The following PARD3B variants were observed in gnomAD, a reference collection of about 807,000 sequenced individuals.
The protein encoded by PARD3B is par-3 family cell polarity regulator beta.
In PARD3B, 103 loss-of-function variants were observed where a neutral mutation model predicts 130.2. That is an observed-to-expected ratio of 0.79 (90% CI 0.67 to 0.93). The LOEUF (loss-of-function observed/expected upper bound fraction) is 0.93. PARD3B is among the 40% of genes least tolerant of loss of function. PARD3B has a pLI of 0.00. For synonymous variants in PARD3B, 583 were observed against 553.2 expected (o/e 1.05, Z -0.76); for missense variants, 1,609 against 1,499.2 (o/e 1.07, Z -1.21).
intron 22 of PARD3B, among the ~76,000 whole-genome samples, chr2:205,604,553 T>C (rs542173898): frequency 1.1e-3 from 163 of 152,274 alleles, no homozygotes; most frequent in African/African-American, 3.8e-3. Flanking sequence ...AACCATATCA[T>C]AGGGTTTCTG....
Position 205,615,742 on chromosome 2 carries a change from G to A in PARD3B, c.3547G>A (p.Gly1183Ser). 2 of 1,614,052 alleles carry A rather than the reference G, an allele frequency of 1.2e-6. No individual in the cohort carries two copies. Among genetic ancestry groups the A allele is most frequent in the Non-Finnish European group, 1.7e-6 (2 of 1,180,016 alleles). The change falls in exon 23 of 23, where the codon GGC becomes AGC. Residue 1183 changes from glycine (G) to serine (S), a missense_variant. By Grantham distance (56) the Gly-to-Ser change is moderately conservative. Coordinates refer to ENST00000406610, the MANE Select transcript of PARD3B (RefSeq NM_001302769.2). ...QETGRPGPRG[G>S]SPDQYPYRTQ... ...AACAGGCAGACCAGGGCCCCGTGGG[G>A]GCAGCCCAGACCAGTACCCTTACCG...
intron 2 of PARD3B, among the ~76,000 whole-genome samples, chr2:204,803,151 A>C (rs1213684072): frequency 1.0e-5 from 1 of 96,668 alleles, no homozygotes; most frequent in East Asian, 2.5e-4. Flanking sequence ...AAGGAAAAAA[A>C]AAAAAAAAAA....
intron 2 of PARD3B, among the ~76,000 whole-genome samples, chr2:204,773,894 C>T (rs1223000910): frequency 3.9e-5 from 6 of 152,006 alleles, no homozygotes; most frequent in Non-Finnish European, 5.9e-5. Flanking sequence ...TAATGATTTT[C>T]GATCTCACTT....
chr2:205,301,661 GA>G lies in PARD3B; in HGVS notation c.2593del (p.Arg865GlyfsTer3). 1 of 1,613,922 alleles carries G rather than the reference GA, an allele frequency of 6.2e-7. No homozygotes were observed. The highest frequency in any genetic ancestry group is 8.5e-7 in the Non-Finnish European group (1 of 1,179,932). On this transcript the variant is annotated frameshift_variant, in exon 18 of 23. Transcript: ENST00000406610. LOFTEE classifies it high-confidence loss of function. This position sits in a 1 kb window ranked among gnomAD's most constrained non-coding sequence, Gnocchi z 5.2. ...GCGCAAAGAGGAGAATGAAGATCCA[GA>G]AAGGAAAATAAAGAAGAAGGGCTTC... ...KKRKEENEDP[E>X]RKIKKKGFGA...
At chr2:205,410,070 C>T (rs1056583503) in intron 19 of PARD3B, among the ~76,000 whole-genome samples, 14 of 152,122 alleles carry the variant, frequency 9.2e-5, no homozygotes, top group African/African-American at 2.9e-4. Context: ...TATCCCTTAT[C>T]CAAAATGCTT....
At chr2:204,866,893 AC>A (rs1215865546) in intron 2 of PARD3B, among the ~76,000 whole-genome samples, 3 of 151,944 alleles carry the variant, frequency 2.0e-5, no homozygotes, top group East Asian at 1.9e-4. Context: ...ACATGGTGAA[AC>A]CCCGTCTCTA....
At chr2:204,776,162 C>T (rs558145861) in intron 2 of PARD3B, among the ~76,000 whole-genome samples, 21 of 152,264 alleles carry the variant, frequency 1.4e-4, no homozygotes, top group African/African-American at 4.6e-4. Context: ...TTGAATGACA[C>T]AATCTCTTGA....
chr2:205,020,375 G>A lies in PARD3B; in HGVS notation c.395-27206G>A, dbSNP rs145179228. ...AAGTATCCCAGTGGGTTCATTGAGG[G>A]GAAGGAATAGGTTTATACAATTTGA... On this transcript the variant is annotated intron_variant, in intron 3 of 22. Transcript: ENST00000406610. 5.0e-4 allele frequency among the ~76,000 whole-genome samples: 76 copies of A among 152,106 alleles called. 1 individual carries two copies. The highest frequency in any genetic ancestry group is 1.8e-3 in the African/African-American group (74 of 41,522).
At chr2:204,764,074 T>G (rs1408883725) in intron 2 of PARD3B, among the ~76,000 whole-genome samples, 1 of 152,082 alleles carries the variant, frequency 6.6e-6, no homozygotes, top group African/African-American at 2.4e-5. Flanking sequence ...ACACTAAGGG[T>G]GAGGCTGTAG....
intron 11 of PARD3B, among the ~76,000 whole-genome samples, chr2:205,162,530 G>A (rs573202741): frequency 5.3e-5 from 8 of 152,340 alleles, no homozygotes; most frequent in East Asian, 1.9e-4. Flanking sequence ...CTTCCTGGGC[G>A]TTTGCCCCTG....
At chr2:205,462,713 A>G (rs2048492361) in intron 20 of PARD3B, among the ~76,000 whole-genome samples, 1 of 152,206 alleles carries the variant, frequency 6.6e-6, no homozygotes, top group African/African-American at 2.4e-5. Flanking sequence ...CTGTACTTGG[A>G]TAAAAGAAGA....
chr2:205,553,883 T>C (rs1019236637), intron 22 of PARD3B, among the ~76,000 whole-genome samples: 1 of 152,016 alleles, frequency 6.6e-6, no homozygotes, highest in African/African-American at 2.4e-5. Context: ...AATAAGCAAA[T>C]ATTGCTGAGA....
intron 2 of PARD3B, among the ~76,000 whole-genome samples, chr2:204,690,528 C>G (rs1463115002): frequency 6.6e-6 from 1 of 152,042 alleles, no homozygotes. Flanking sequence ...CCAGCCAATG[C>G]CAGCTGTGAA....
At chr2:205,535,477 T>C (rs1256620479) in intron 21 of PARD3B, among the ~76,000 whole-genome samples, 1 of 152,226 alleles carries the variant, frequency 6.6e-6, no homozygotes, top group East Asian at 1.9e-4. Context: ...CTGTTCTTCA[T>C]TGTAATCTGC....
At chr2:204,717,421 T>C (rs1212652736) in intron 2 of PARD3B, among the ~76,000 whole-genome samples, 1 of 152,206 alleles carries the variant, frequency 6.6e-6, no homozygotes, top group Non-Finnish European at 1.5e-5. Flanking sequence ...CTTTCCATTT[T>C]CCCACCTTTT....
intron 20 of PARD3B, among the ~76,000 whole-genome samples, chr2:205,459,397 CT>C (rs991601578): frequency 5.3e-5 from 8 of 151,640 alleles, no homozygotes; most frequent in African/African-American, 1.2e-4. Flanking sequence ...AAACCCTTAT[CT>C]TTTTTTTAAT....
chr2:205,582,413 TTAAG>T (rs1282465861), intron 22 of PARD3B, among the ~76,000 whole-genome samples: 1 of 152,116 alleles, frequency 6.6e-6, no homozygotes, highest in African/African-American at 2.4e-5. Context: ...AAAAATAAAA[TTAAG>T]TAATCATGTT....
At chr2:204,982,492 C>T (rs544296731) in intron 3 of PARD3B, among the ~76,000 whole-genome samples, 75 of 152,290 alleles carry the variant, frequency 4.9e-4, no homozygotes, top group Admixed American at 9.1e-4. Context: ...ATGCTGCAGC[C>T]ACCAGTTCAC....
intron 1 of PARD3B, among the ~76,000 whole-genome samples, chr2:204,651,986 A>G (rs1417205199): frequency 6.6e-6 from 1 of 152,182 alleles, no homozygotes; most frequent in Non-Finnish European, 1.5e-5. Flanking sequence ...AAGGCAGCAC[A>G]GAACATCTAG....
Sources: gnomAD v4.1 joint callset for allele counts (sites outside exome capture counted in the v4.1 genomes callset) on GRCh38, gnomAD v4.1.1 for gene constraint, Gnocchi (gnomAD v3.1) non-coding constraint, MANE v1.5 for transcripts, NCBI Gene and HGNC (gene_info 2026-07-23, HGNC 2026-07-21) for gene names.